Variants in LMO7 observed in about 807,000 individuals in gnomAD.
The protein encoded by LMO7 is LIM domain 7.
LMO7 carries 120 observed loss-of-function variants against 206.5 expected under a neutral mutation model. The ratio of observed to expected loss-of-function variants is 0.58; its 90% CI spans 0.50 to 0.68. The LOEUF (loss-of-function observed/expected upper bound fraction) is 0.68. Ranked by LOEUF, LMO7 falls within the 30% of genes least tolerant of loss-of-function variation. The pLI is 0.00. For missense variants in LMO7, 1,959 were observed against 1,957.9 expected (o/e 1.00, Z -0.01); for synonymous variants, 706 against 681.5 (o/e 1.04, Z -0.56).
At chr13:75,849,054 A>C (rs2060256069) in intron 26 of LMO7, 25 bp from the exon 27 acceptor site, 1 of 1,415,146 alleles carries the variant, frequency 7.1e-7, no homozygotes, top group Non-Finnish European at 9.9e-7. Flanking sequence ...CTAATCCCAA[A>C]GCTTTTGATT....
chr13:75,696,719 T>G (rs375607541), intron 1 of LMO7, among the ~76,000 whole-genome samples: 2 of 152,172 alleles, frequency 1.3e-5, no homozygotes, highest in East Asian at 3.9e-4. Flanking sequence ...AACCCTGAGT[T>G]AACAGGTGAG....
intron 3 of LMO7, among the ~76,000 whole-genome samples, chr13:75,742,876 A>T (rs777037255): frequency 5.3e-5 from 8 of 152,244 alleles, no homozygotes; most frequent in Non-Finnish European, 7.3e-5. Context: ...GACAAATGGG[A>T]TGTAATTAAC....
Position 75,856,795 on chromosome 13 carries a change from C to A in LMO7, c.4873+187C>A, listed in dbSNP as rs17065153. The stretch of plus-strand genomic sequence containing the variant: ...AATGGGTCACTGCTCAGGGTTCCAG[C>A]TACACAGGAGTGGGTTGTGGGGCCA... On this transcript the variant is annotated intron_variant, in intron 30 of 30. Transcript: ENST00000377534. 5.8e-3 allele frequency: 3,009 copies of A among 516,856 alleles called. 53 individuals carry two copies. The highest frequency in any genetic ancestry group is 0.032 in the East Asian group (933 of 29,078). The allele number at this position is 516,856 out of a possible 1,614,324, so 32.0% of individuals were successfully genotyped here. A position where few individuals can be genotyped will look rare whatever the true frequency, so the allele number is the denominator to read the frequency against.
chr13:75,763,066 G>T (rs577918420), intron 4 of LMO7, among the ~76,000 whole-genome samples: 1 of 152,224 alleles, frequency 6.6e-6, no homozygotes, highest in South Asian at 2.1e-4. Flanking sequence ...ACTCCTTTGG[G>T]TCAAAATTCT....
chr13:75,849,426 G>A, intron 27 of LMO7, 134 bp downstream of exon 27: 1 of 627,068 alleles, frequency 1.6e-6, no homozygotes, highest in African/African-American at 1.8e-5. Context: ...TTATGTGTCA[G>A]TTTACATGAC....
chr13:75,741,845 A>G (rs879405059), intron 3 of LMO7, among the ~76,000 whole-genome samples: 1 of 152,146 alleles, frequency 6.6e-6, no homozygotes, highest in Non-Finnish European at 1.5e-5. Context: ...CTCTCTTACT[A>G]CTCCTACTCA....
At chr13:75,822,330 T>G (rs1309628930) in intron 14 of LMO7, among the ~76,000 whole-genome samples, 1 of 152,152 alleles carries the variant, frequency 6.6e-6, no homozygotes, top group Non-Finnish European at 1.5e-5. Flanking sequence ...CCTAAGCTAA[T>G]TGGGAAACTC....
At chr13:75,756,058 GA>G (rs1244699221) in intron 3 of LMO7, among the ~76,000 whole-genome samples, 1 of 152,152 alleles carries the variant, frequency 6.6e-6, no homozygotes, top group Admixed American at 6.5e-5. Context: ...GCATTTGCAG[GA>G]AAATAAGGCC....
At chr13:75,670,247 A>G (rs1009606042) in intron 1 of LMO7, among the ~76,000 whole-genome samples, 11 of 152,212 alleles carry the variant, frequency 7.2e-5, no homozygotes, top group Admixed American at 3.3e-4. Flanking sequence ...ATAGTTCCTG[A>G]ACACATCCTC....
chr13:75,706,186 A>C (rs1352721383), intron 1 of LMO7, among the ~76,000 whole-genome samples: 2 of 152,206 alleles, frequency 1.3e-5, no homozygotes, highest in African/African-American at 2.4e-5. Context: ...GTGGCAGAGC[A>C]GGGCTTTAAA....
At chr13:75,677,167 A>T (rs1456567318) in intron 1 of LMO7, among the ~76,000 whole-genome samples, 1 of 152,160 alleles carries the variant, frequency 6.6e-6, no homozygotes, top group Admixed American at 6.5e-5. Flanking sequence ...ATTTGGGGTG[A>T]TGGCCTGGAT....
chr13:75,760,413 C>T, intron 3 of LMO7: 1 of 1,092,624 alleles, frequency 9.2e-7, no homozygotes, highest in Non-Finnish European at 1.1e-6. Flanking sequence ...AGCTCAACAA[C>T]CAAACCCAGA....
intron 5 of LMO7, 89 bp downstream of exon 5, chr13:75,795,520 C>T (rs2053880211): frequency 1.2e-6 from 1 of 849,074 alleles, no homozygotes; most frequent in Non-Finnish European, 1.9e-6. Flanking sequence ...GTATACTCTA[C>T]ATCTCTTTTC....
chr13:75,632,862 G>GTTTTTTTTTT (rs10690832), upstream of LMO7, among the ~76,000 whole-genome samples: 588 of 102,116 alleles, frequency 5.8e-3, 79 homozygotes, highest in African/African-American at 0.02. Flanking sequence ...TTACTTAAAA[G>GTTTTTTTTTT]TTTTTTTTTT....
At chr13:75,709,819 A>T (rs1235157347) in intron 1 of LMO7, among the ~76,000 whole-genome samples, 2 of 147,170 alleles carry the variant, frequency 1.4e-5, no homozygotes, top group Non-Finnish European at 3.0e-5. Context: ...CCCATTTGTT[A>T]ATTTTGGCTT....
At chr13:75,853,516 G>A (rs1002481919) in intron 28 of LMO7, 128 bp downstream of exon 28, 1 of 801,280 alleles carries the variant, frequency 1.2e-6, no homozygotes, top group African/African-American at 1.7e-5. Flanking sequence ...GTCAAATTTG[G>A]TATTCTAGTA....
chr13:75,732,614 T>C (rs569442740), intron 3 of LMO7, among the ~76,000 whole-genome samples: 1 of 152,246 alleles, frequency 6.6e-6, no homozygotes, highest in Non-Finnish European at 1.5e-5. Context: ...TGAAGCCTTC[T>C]TCTCTCAACT....
intron 4 of LMO7, among the ~76,000 whole-genome samples, chr13:75,780,313 C>T (rs1372742067): frequency 6.6e-6 from 1 of 152,176 alleles, no homozygotes; most frequent in Non-Finnish European, 1.5e-5. Flanking sequence ...CTGCATAAGA[C>T]AGACACTCCC....
At chr13:75,636,794 C>A in intron 1 of LMO7, 68 bp downstream of exon 1, 1 of 1,447,916 alleles carries the variant, frequency 6.9e-7, no homozygotes, top group Non-Finnish European at 9.5e-7. Flanking sequence ...CGCGAGGTGA[C>A]TGCAGCCCCA....
Sources: allele counts gnomAD v4.1 joint callset (sites outside exome capture counted in the v4.1 genomes callset), GRCh38; gene constraint gnomAD v4.1.1; transcripts MANE v1.5; gene names NCBI Gene and HGNC (gene_info 2026-07-23, HGNC 2026-07-21).